The following DTNBP1 variants were observed in gnomAD, a reference collection of about 807,000 sequenced individuals.
DTNBP1 encodes dysbindin.
A neutral mutation model predicts 42.8 loss-of-function variants in DTNBP1; 35 were observed. That is an observed-to-expected ratio of 0.82 (90% CI 0.63 to 1.09). DTNBP1 has a LOEUF of 1.09. DTNBP1 is among the 50% of genes least tolerant of loss of function. DTNBP1 has a pLI of 0.00. For missense variants in DTNBP1, 457 were observed against 424.2 expected (o/e 1.08, Z -0.68); for synonymous variants, 171 against 162.2 (o/e 1.05, Z -0.41).
chr6:15,593,824 A>C (rs778187231), intron 6 of DTNBP1, among the ~76,000 whole-genome samples: 31 of 152,234 alleles, frequency 2.0e-4, no homozygotes, highest in Admixed American at 2.6e-4. Flanking sequence ...TGAGGAAATA[A>C]AGGCTGGTTA....
At chr6:15,638,838 CTT>C (rs34034677) in intron 3 of DTNBP1, among the ~76,000 whole-genome samples, 27,820 of 138,560 alleles carry the variant, frequency 0.2, 2,671 homozygotes, top group Non-Finnish European at 0.24. Flanking sequence ...TTGGCCAGTA[CTT>C]TTTTTTTTTT....
In DTNBP1 at chr6:15,523,055, C is replaced by T; in HGVS notation, c.976G>A (p.Val326Ile). 1.2e-6 allele frequency: 2 copies of T among 1,614,210 alleles called. No homozygotes were observed. Among genetic ancestry groups the T allele is most frequent in the South Asian group, 1.1e-5 (1 of 91,090 alleles). ...GTGGCCAGGGCAGTGTCCACCTGAA[C>T]TTCCTCCTCATCGGACTGAACAACG... ...SPVVQSDEEE[V>I]QVDTALATSH... The change falls in exon 10 of 10, where the codon GTT becomes ATT. Residue 326 changes from valine (V) to isoleucine (I), a missense_variant. Physicochemically the swap from Val to Ile is conservative, Grantham distance 29. Coordinates refer to ENST00000344537, the MANE Select transcript of DTNBP1 (RefSeq NM_032122.5).
At chr6:15,617,795 A>C (rs1203976253) in intron 5 of DTNBP1, among the ~76,000 whole-genome samples, 1 of 152,206 alleles carries the variant, frequency 6.6e-6, no homozygotes, top group East Asian at 1.9e-4. Flanking sequence ...TATGGGAAAC[A>C]TTTCAGAACA....
At chr6:15,562,302 G>GT (rs1200803960) in intron 7 of DTNBP1, among the ~76,000 whole-genome samples, 2 of 152,020 alleles carry the variant, frequency 1.3e-5, no homozygotes, top group Non-Finnish European at 1.5e-5. Flanking sequence ...ATCATGTTGT[G>GT]TTTTTTTCAT....
At chr6:15,557,948 G>C (rs976656028) in intron 7 of DTNBP1, among the ~76,000 whole-genome samples, 2 of 151,668 alleles carry the variant, frequency 1.3e-5, no homozygotes, top group African/African-American at 4.8e-5. Flanking sequence ...GATATATTTG[G>C]CTTATTTGGT....
At chr6:15,609,125 A>G (rs1581388493) in intron 6 of DTNBP1, among the ~76,000 whole-genome samples, 1 of 149,544 alleles carries the variant, frequency 6.7e-6, no homozygotes, top group East Asian at 1.9e-4. Context: ...GAGGTTTAAC[A>G]TTATCTTATG....
At chr6:15,624,885 T>C (rs969559232) in intron 5 of DTNBP1, among the ~76,000 whole-genome samples, 3 of 151,838 alleles carry the variant, frequency 2.0e-5, no homozygotes, top group Non-Finnish European at 2.9e-5. Context: ...GACTGATACA[T>C]AAATGCATCA....
chr6:15,530,996 G>A (rs988731327), intron 8 of DTNBP1, among the ~76,000 whole-genome samples: 4 of 152,152 alleles, frequency 2.6e-5, no homozygotes, highest in Non-Finnish European at 5.9e-5. Context: ...AGGTAATTAA[G>A]TTAGATGAGG....
chr6:15,565,315 A>T (rs1214427937), intron 7 of DTNBP1, among the ~76,000 whole-genome samples: 1 of 152,238 alleles, frequency 6.6e-6, no homozygotes, highest in Non-Finnish European at 1.5e-5. Flanking sequence ...CATAGAATCC[A>T]GCAATTCCTC....
At chr6:15,534,656 TC>T (rs1773103766) in intron 7 of DTNBP1, among the ~76,000 whole-genome samples, 1 of 35,692 alleles carries the variant, frequency 2.8e-5, no homozygotes. Flanking sequence ...CGAGACTCTG[TC>T]TCAAAAAAAA....
At chr6:15,525,023 T>C (rs1476853585) in intron 8 of DTNBP1, among the ~76,000 whole-genome samples, 1 of 152,236 alleles carries the variant, frequency 6.6e-6, no homozygotes, top group Admixed American at 6.5e-5. Flanking sequence ...CCTTCCTCCC[T>C]GCCAGCCACA....
intron 3 of DTNBP1, among the ~76,000 whole-genome samples, chr6:15,642,047 T>C (rs531132980): frequency 1.3e-5 from 2 of 152,272 alleles, no homozygotes; most frequent in East Asian, 1.9e-4. Context: ...GCGTATTTCA[T>C]GCATCTTGTA....
chr6:15,632,533 G>T (rs550154703), intron 4 of DTNBP1, among the ~76,000 whole-genome samples: 2 of 152,158 alleles, frequency 1.3e-5, no homozygotes, highest in African/African-American at 2.4e-5. Flanking sequence ...AAAACAACTC[G>T]CACCCCCAAA....
intron 1 of DTNBP1, 100 bp from the exon 2 acceptor site, chr6:15,652,240 G>T: frequency 1.1e-6 from 1 of 927,146 alleles, no homozygotes; most frequent in Non-Finnish European, 1.7e-6. Context: ...GGAGTGCAGT[G>T]ACATGTACAT....
chr6:15,625,744 G>GTTT (rs1759302662), intron 5 of DTNBP1, among the ~76,000 whole-genome samples: 1 of 152,198 alleles, frequency 6.6e-6, no homozygotes, highest in African/African-American at 2.4e-5. Flanking sequence ...GGAAATAAAA[G>GTTT]AGGTTATCAT....
At chr6:15,647,167 C>G (rs1005362556) in intron 3 of DTNBP1, among the ~76,000 whole-genome samples, 3 of 151,474 alleles carry the variant, frequency 2.0e-5, no homozygotes, top group African/African-American at 7.3e-5. Flanking sequence ...AAAAAACAAC[C>G]CCATTAAAAA....
At chr6:15,560,272 C>G (rs901626836) in intron 7 of DTNBP1, among the ~76,000 whole-genome samples, 7 of 151,986 alleles carry the variant, frequency 4.6e-5, no homozygotes, top group Non-Finnish European at 5.9e-5. Flanking sequence ...TGTCACTGCA[C>G]TCCAGCCTGG....
intron 5 of DTNBP1, 106 bp downstream of exon 5, chr6:15,627,237 T>C: frequency 6.9e-7 from 1 of 1,444,118 alleles, no homozygotes; most frequent in Non-Finnish European, 9.5e-7. Flanking sequence ...AAAATCCTGT[T>C]AACCCAGAAT....
intron 7 of DTNBP1, among the ~76,000 whole-genome samples, chr6:15,552,333 C>T (rs527511850): frequency 6.6e-6 from 1 of 152,294 alleles, no homozygotes; most frequent in South Asian, 2.1e-4. Context: ...TGCCATGAAC[C>T]TTTCTTTGGG....
Sources: gnomAD v4.1 joint callset for allele counts (sites outside exome capture counted in the v4.1 genomes callset) on GRCh38, gnomAD v4.1.1 for gene constraint, MANE v1.5 for transcripts, NCBI Gene and HGNC (gene_info 2026-07-23, HGNC 2026-07-21) for gene names.